Variants in KIAA1217 observed in about 807,000 individuals in gnomAD.
KIAA1217 encodes the protein sickle tail protein homolog.
In KIAA1217, 88 loss-of-function variants were observed where a neutral mutation model predicts 163.9. That is an observed-to-expected ratio of 0.54 (90% CI 0.45 to 0.64). The LOEUF (loss-of-function observed/expected upper bound fraction) is 0.64. KIAA1217 is among the 30% of genes least tolerant of loss of function. KIAA1217 has a pLI of 0.00. For synonymous variants in KIAA1217, 903 were observed against 923.1 expected, an observed-to-expected ratio of 0.98 and a Z score of 0.39; for missense variants, 2,372 against 2,475.0, an observed-to-expected ratio of 0.96 and a Z score of 0.88.
At chr10:24,493,827 G>T (rs905342109) in intron 6 of KIAA1217, among the ~76,000 whole-genome samples, 1 of 152,058 alleles carries the variant, frequency 6.6e-6, no homozygotes, top group Non-Finnish European at 1.5e-5. Context: ...TAGTTCACTG[G>T]TGCAATCTTG....
At chr10:24,346,467 G>A (rs568911290) in intron 2 of KIAA1217, among the ~76,000 whole-genome samples, 7 of 151,420 alleles carry the variant, frequency 4.6e-5, no homozygotes, top group South Asian at 4.2e-4. Context: ...GCGAGACTCC[G>A]TCTCAAAAAA....
intron 2 of KIAA1217, among the ~76,000 whole-genome samples, chr10:24,280,607 C>T (rs1300030604): frequency 1.3e-5 from 2 of 151,768 alleles, no homozygotes; most frequent in African/African-American, 2.4e-5. Context: ...GTCAGGAGAT[C>T]GAGACCATCC....
At chr10:24,426,173 G>A (rs751991484) in intron 3 of KIAA1217, among the ~76,000 whole-genome samples, 22 of 152,176 alleles carry the variant, frequency 1.4e-4, no homozygotes, top group Non-Finnish European at 3.1e-4. Flanking sequence ...ATTCCAAAAG[G>A]CAAGCATACA....
At chr10:23,728,454 A>G (rs1411271445) in intron 1 of KIAA1217, among the ~76,000 whole-genome samples, 4 of 151,162 alleles carry the variant, frequency 2.6e-5, no homozygotes, top group African/African-American at 9.7e-5. Context: ...TTGGCTGCAC[A>G]AATGTCTTTT....
At chr10:24,128,625 T>C (rs989863699) in intron 2 of KIAA1217, among the ~76,000 whole-genome samples, 6 of 152,202 alleles carry the variant, frequency 3.9e-5, no homozygotes, top group African/African-American at 1.2e-4. Context: ...CCTCTACATG[T>C]GCTGTGGCAC....
At position 23,864,316 on chromosome 10, in the gene KIAA1217, C is replaced by T. The variant is rs1352059976; in HGVS notation, c.-320-142909C>T. Among the ~76,000 whole-genome samples the T allele has an allele frequency of 2.0e-5, 3 of 151,968 alleles. No homozygotes were observed. In the East Asian group the frequency reaches 5.8e-4, roughly 29 times the overall value. On this transcript the variant is annotated intron_variant, in intron 1 of 18. Coordinates refer to the KIAA1217 transcript ENST00000376462. ...ATATCTTATGCCTGTGATAACTGTC[C>T]GTTTTGCACAGGACAAGTTAATGTT...
intron 2 of KIAA1217, among the ~76,000 whole-genome samples, chr10:24,021,922 C>T (rs1037407005): frequency 6.6e-6 from 1 of 151,708 alleles, no homozygotes; most frequent in South Asian, 2.1e-4. Flanking sequence ...AGTTCTGACA[C>T]CTTTCACAAA....
intron 2 of KIAA1217, among the ~76,000 whole-genome samples, chr10:24,241,609 T>A (rs1394412776): frequency 1.3e-5 from 2 of 152,142 alleles, no homozygotes; most frequent in Non-Finnish European, 2.9e-5. Flanking sequence ...TGCTACAGGG[T>A]GCAGAAGGAG....
chr10:23,811,234 A>G (rs187396531), intron 1 of KIAA1217, among the ~76,000 whole-genome samples: 1,672 of 143,820 alleles, frequency 0.012, 29 homozygotes, highest in African/African-American at 0.041. Flanking sequence ...TATAGCGTGT[A>G]TATATATTAT....
At chr10:23,883,251 CT>C (rs955748740) in intron 1 of KIAA1217, among the ~76,000 whole-genome samples, 1 of 151,904 alleles carries the variant, frequency 6.6e-6, no homozygotes, top group African/African-American at 2.4e-5. Context: ...CTAACTCACT[CT>C]TTACCTTGGG....
At chr10:24,270,406 A>T (rs1343754707) in intron 2 of KIAA1217, among the ~76,000 whole-genome samples, 1 of 152,176 alleles carries the variant, frequency 6.6e-6, no homozygotes, top group Non-Finnish European at 1.5e-5. Flanking sequence ...CTCCATCATC[A>T]TCAAAGCAAT....
chr10:24,119,246 G>GAGCA (rs2063182866), intron 2 of KIAA1217, among the ~76,000 whole-genome samples: 1 of 152,158 alleles, frequency 6.6e-6, no homozygotes. Context: ...CTTGGAAAAT[G>GAGCA]AGCAAGCAAA....
At chr10:24,131,978 A>C (rs1247568327) in intron 2 of KIAA1217, among the ~76,000 whole-genome samples, 1 of 152,242 alleles carries the variant, frequency 6.6e-6, no homozygotes, top group Non-Finnish European at 1.5e-5. Flanking sequence ...TATTACACAC[A>C]GCATAGTTCA....
chr10:23,745,424 A>G lies in KIAA1217; in HGVS notation c.-321+50190A>G, dbSNP rs539445498. On this transcript the variant is annotated intron_variant, in intron 1 of 18. Transcript: ENST00000376462. ...CTCGGTTTGTCTGGCTTGTGTTCCT[A>G]TACTTCCTAGGCATAAATTGGGCAT... Among the ~76,000 whole-genome samples, 12 of 152,238 alleles carry G rather than the reference A, an allele frequency of 7.9e-5. No individual in the cohort carries two copies. In the South Asian group the frequency reaches 2.1e-3, roughly 26 times the overall value.
chr10:24,459,769 A>T (rs78501845), intron 5 of KIAA1217, among the ~76,000 whole-genome samples: 8,699 of 152,226 alleles, frequency 0.057, 346 homozygotes, highest in Non-Finnish European at 0.083. Context: ...CAAAAAAAAA[A>T]AATGTTTTTT....
At chr10:23,926,981 C>T (rs1208508790) in intron 1 of KIAA1217, among the ~76,000 whole-genome samples, 1 of 152,010 alleles carries the variant, frequency 6.6e-6, no homozygotes, top group Non-Finnish European at 1.5e-5. Flanking sequence ...GATCTGGGCT[C>T]ACTGCAGCCT....
At chr10:23,907,292 TTGTGTGTGTGTG>T (rs146002283) in intron 1 of KIAA1217, among the ~76,000 whole-genome samples, 2 of 145,760 alleles carry the variant, frequency 1.4e-5, no homozygotes, top group African/African-American at 2.5e-5. Flanking sequence ...CCAATATGAT[TTGTGTGTGTGTG>T]TGTGTGTGTG....
Position 24,546,524 on chromosome 10 carries a change from T to G in KIAA1217, c.*200T>G. 1.7e-6 allele frequency: 1 copy of G among 601,614 alleles called. No individual in the cohort carries two copies. The highest frequency in any genetic ancestry group is 2.9e-6 in the Non-Finnish European group (1 of 350,854). 37.3% of individuals were successfully genotyped at this position (601,614 alleles called of 1,614,324 possible). The stretch of plus-strand genomic sequence containing the variant: ...TTTTCTTTTTACCTAGTTGCTATAG[T>G]GTCTACAGTCTATACTCAATACCTA... On this transcript the variant is annotated 3_prime_UTR_variant, in exon 21 of 21. Transcript: ENST00000376454.
At chr10:24,192,020 A>G (rs920658782) in intron 2 of KIAA1217, among the ~76,000 whole-genome samples, 3 of 152,230 alleles carry the variant, frequency 2.0e-5, no homozygotes, top group African/African-American at 7.2e-5. Flanking sequence ...TTGGGATTAC[A>G]GGCGTGAGCT....
Sources: gnomAD v4.1 joint callset for allele counts (sites outside exome capture counted in the v4.1 genomes callset) on GRCh38, gnomAD v4.1.1 for gene constraint, MANE v1.5 for transcripts, NCBI Gene and HGNC (gene_info 2026-07-23, HGNC 2026-07-21) for gene names.